SRGAP3: variants seen among roughly 807,000 people sequenced by gnomAD.
SRGAP3 encodes the protein SLIT-ROBO Rho GTPase activating protein 3, also known as SLIT-ROBO Rho GTPase-activating protein 3.
A neutral mutation model predicts 121.1 loss-of-function variants in SRGAP3; 39 were observed. The observed-to-expected ratio is 0.32, with a 90% CI of 0.25 to 0.42. The LOEUF is 0.42. SRGAP3 is among the 10% of genes least tolerant of loss of function. The pLI is 1.00. For synonymous variants in SRGAP3, 601 were observed against 570.0 expected (o/e 1.05, Z -0.77); for missense variants, 1,213 against 1,470.6 (o/e 0.82, Z 2.86).
chr3:9,298,654 G>C (rs192941758), intron 3 of SRGAP3, among the ~76,000 whole-genome samples: 5 of 152,180 alleles, frequency 3.3e-5, no homozygotes, highest in African/African-American at 1.2e-4. Flanking sequence ...CATTAAGAAG[G>C]CCTGGCAGCT....
At chr3:9,066,981 C>T (rs1006533846) in intron 4 of SRGAP3, among the ~76,000 whole-genome samples, 5 of 152,222 alleles carry the variant, frequency 3.3e-5, no homozygotes, top group Non-Finnish European at 5.9e-5. Context: ...ACAAGTCACA[C>T]AACCTCTCTG....
At chr3:9,273,512 T>C (rs1295564825) in intron 3 of SRGAP3, among the ~76,000 whole-genome samples, 2 of 148,940 alleles carry the variant, frequency 1.3e-5, no homozygotes, top group South Asian at 2.4e-4. Context: ...CTCTCAGACA[T>C]AAGATTTGCA....
rs892512409 is a variant in SRGAP3 at position 9,056,309 on chromosome 3, G to A, written c.1049C>T (p.Pro350Leu). Reference protein sequence around the residue: ...DEVCQVSAQQPVQTELLMRYH... With the variant: ...DEVCQVSAQQLVQTELLMRYH... ...ACGCATGAGCAGTTCTGTCTGGACGGGCTGCTGAGCGCTGACCTGGCAGAC... is the reference window on the plus strand; with the variant it reads ...ACGCATGAGCAGTTCTGTCTGGACGAGCTGCTGAGCGCTGACCTGGCAGAC... The change falls in exon 8 of 22, where the codon CCC (proline) becomes CTC (leucine). Residue 350 changes from proline to leucine, a missense_variant. Pro to Leu is a moderately conservative substitution (Grantham distance 98, BLOSUM62 -3). Coordinates refer to ENST00000383836, the MANE Select transcript of SRGAP3 (RefSeq NM_014850.4). 1 of 1,613,584 alleles carries A rather than the reference G, an allele frequency of 6.2e-7. No individual in the cohort carries two copies.
chr3:9,281,533 G>A (rs1954678489), intron 3 of SRGAP3, among the ~76,000 whole-genome samples: 1 of 149,308 alleles, frequency 6.7e-6, no homozygotes, highest in African/African-American at 2.5e-5. Flanking sequence ...GGACCTAGAT[G>A]TACTTACTTT....
chr3:9,354,257 T>G (rs2030361091), intron 1 of SRGAP3, among the ~76,000 whole-genome samples: 1 of 152,074 alleles, frequency 6.6e-6, no homozygotes, highest in Admixed American at 6.5e-5. Flanking sequence ...GCCATGAAGG[T>G]AATCACCATA....
chr3:9,154,141 T>C (rs529396418), intron 1 of SRGAP3, among the ~76,000 whole-genome samples: 85 of 152,300 alleles, frequency 5.6e-4, no homozygotes, highest in Non-Finnish European at 1.1e-3. Context: ...TCCAGATCAC[T>C]GTTTCTAATT....
intron 1 of SRGAP3, among the ~76,000 whole-genome samples, chr3:9,172,420 C>T (rs1951016691): frequency 6.6e-6 from 1 of 152,104 alleles, no homozygotes. Context: ...CTCATTTTAA[C>T]TTGATTACCT....
intron 4 of SRGAP3, among the ~76,000 whole-genome samples, chr3:9,078,084 G>A (rs1947056766): frequency 1.3e-5 from 2 of 152,224 alleles, no homozygotes; most frequent in Admixed American, 1.3e-4. Flanking sequence ...ACATTCTGAA[G>A]GTGGCGAGGT....
At position 9,124,617 on chromosome 3, in the gene SRGAP3, C is replaced by A. The variant is rs993877617; in HGVS notation, c.260+108G>T. On this transcript the variant is annotated intron_variant, in intron 2 of 21. Transcript: ENST00000383836. ...GCAGAGCCAGGGCCCTGAAGGCACA[C>A]CCTCTGCCTCCAATGAAGCTGGCTG... 4.2e-6 allele frequency: 6 copies of A among 1,423,920 alleles called. No homozygotes were observed. The African/African-American group carries it at 8.4e-5, about 20-fold the overall frequency. 88.2% of individuals were successfully genotyped at this position (1,423,920 alleles called of 1,614,324 possible). A position where few individuals can be genotyped will look rare whatever the true frequency, so the allele number is the denominator to read the frequency against.
At chr3:9,203,529 T>C (rs1303714590) in intron 1 of SRGAP3, among the ~76,000 whole-genome samples, 1 of 152,212 alleles carries the variant, frequency 6.6e-6, no homozygotes, top group African/African-American at 2.4e-5. Flanking sequence ...GGAAGCCCTC[T>C]ACAGCCCTCA....
chr3:9,304,038 G>A (rs1349721861), intron 3 of SRGAP3, among the ~76,000 whole-genome samples: 2 of 152,194 alleles, frequency 1.3e-5, no homozygotes, highest in African/African-American at 4.8e-5. Flanking sequence ...TGGAAGGGGA[G>A]ACGTTTCACA....
intron 1 of SRGAP3, among the ~76,000 whole-genome samples, chr3:9,207,309 T>G (rs560753161): frequency 6.6e-6 from 1 of 152,192 alleles, no homozygotes; most frequent in African/African-American, 2.4e-5. Flanking sequence ...GTCACACACC[T>G]AGACAGTGGC....
chr3:9,160,830 C>T (rs1950579023), intron 1 of SRGAP3, among the ~76,000 whole-genome samples: 1 of 151,950 alleles, frequency 6.6e-6, no homozygotes, highest in Admixed American at 6.6e-5. Context: ...TGTACTATTC[C>T]CCAAGTTTAT....
intron 1 of SRGAP3, among the ~76,000 whole-genome samples, chr3:9,191,384 A>G (rs1483942092): frequency 6.6e-6 from 1 of 152,244 alleles, no homozygotes; most frequent in Non-Finnish European, 1.5e-5. Flanking sequence ...TTCTCACGCT[A>G]AAGGAGCTAA....
intron 1 of SRGAP3, among the ~76,000 whole-genome samples, chr3:9,126,991 A>G (rs1012512306): frequency 1.3e-5 from 2 of 152,218 alleles, no homozygotes; most frequent in African/African-American, 4.8e-5. Flanking sequence ...AAAAGTTGAT[A>G]TTTGGAAATC....
chr3:9,295,775 C>T (rs142319704), intron 3 of SRGAP3, among the ~76,000 whole-genome samples: 161 of 152,322 alleles, frequency 1.1e-3, no homozygotes, highest in African/African-American at 3.8e-3. Flanking sequence ...AACTGAAACT[C>T]TGTACCCATT....
chr3:9,197,239 T>G (rs547179685), intron 1 of SRGAP3, among the ~76,000 whole-genome samples: 1 of 152,368 alleles, frequency 6.6e-6, no homozygotes, highest in South Asian at 2.1e-4. Flanking sequence ...AAAGAAAAGT[T>G]GGCATTTTCA....
chr3:9,244,858 T>C (rs1439352162), intron 1 of SRGAP3, among the ~76,000 whole-genome samples: 1 of 152,214 alleles, frequency 6.6e-6, no homozygotes. Context: ...GTTAAATGCA[T>C]TTCATTTTCT....
intron 2 of SRGAP3, among the ~76,000 whole-genome samples, chr3:9,326,632 T>C (rs1955524020): frequency 6.6e-6 from 1 of 151,736 alleles, no homozygotes; most frequent in African/African-American, 2.4e-5. Flanking sequence ...CTTCTCCAAT[T>C]TAGGTGCACA....
Sources: allele counts gnomAD v4.1 joint callset (sites outside exome capture counted in the v4.1 genomes callset), GRCh38; gene constraint gnomAD v4.1.1; transcripts MANE v1.5; gene names NCBI Gene and HGNC (gene_info 2026-07-23, HGNC 2026-07-21).